The following TAFA5 variants were observed in gnomAD, a reference collection of about 807,000 sequenced individuals.
TAFA5 encodes the protein TAFA chemokine like family member 5.
In TAFA5, 6 loss-of-function variants were observed where a neutral mutation model predicts 15.3. The observed-to-expected ratio is 0.39, with a 90% CI of 0.21 to 0.77. The LOEUF (loss-of-function observed/expected upper bound fraction) is 0.77, where lower values mean the gene tolerates loss of function less well. Ranked by LOEUF, TAFA5 falls within the 30% of genes least tolerant of loss-of-function variation. The probability of loss-of-function intolerance (pLI) is 0.41; values close to 1 mark genes in which losing one functional copy is unlikely to be tolerated. For missense variants in TAFA5, 161 were observed against 193.1 expected, an observed-to-expected ratio of 0.83 and a Z score of 0.98; for synonymous variants, 103 against 80.7, an observed-to-expected ratio of 1.28 and a Z score of -1.48.
At chr22:48,685,826 A>G (rs900253608) in intron 2 of TAFA5, among the ~76,000 whole-genome samples, 1 of 152,134 alleles carries the variant, frequency 6.6e-6, no homozygotes, top group African/African-American at 2.4e-5. Context: ...GGCTGCATCC[A>G]TCACCACTGG....
Position 48,580,742 on chromosome 22 carries a change from C to G in TAFA5, c.113-65855C>G, listed in dbSNP as rs539881752. The stretch of plus-strand genomic sequence containing the variant: ...CTGTGCCTGCACCCCTGCACCCAGT[C>G]TTGGCATGGGGCTGCCCCGGCCGCC... On this transcript the variant is annotated intron_variant, in intron 1 of 3. Transcript: ENST00000402357. Among the ~76,000 whole-genome samples, 5 of 152,326 alleles carry G rather than the reference C, an allele frequency of 3.3e-5. No individual in the cohort carries two copies. In the East Asian group the frequency reaches 9.6e-4, roughly 29 times the overall value.
intron 1 of TAFA5, among the ~76,000 whole-genome samples, chr22:48,513,791 C>T (rs1485230976): frequency 6.6e-6 from 1 of 152,204 alleles, no homozygotes; most frequent in African/African-American, 2.4e-5. Context: ...CAGAGACCAC[C>T]TCATCTGTCT....
At chr22:48,491,276 G>A (rs1055807482) in intron 1 of TAFA5, among the ~76,000 whole-genome samples, 4 of 152,134 alleles carry the variant, frequency 2.6e-5, no homozygotes, top group Non-Finnish European at 4.4e-5. Context: ...AGATCCCCAA[G>A]CAAGGCTTCC....
At chr22:48,739,546 A>G (rs540250137) in intron 3 of TAFA5, among the ~76,000 whole-genome samples, 13 of 152,162 alleles carry the variant, frequency 8.5e-5, no homozygotes, top group Non-Finnish European at 1.8e-4. Flanking sequence ...GGACACCTGC[A>G]TGCAGGTGCT....
intron 1 of TAFA5, among the ~76,000 whole-genome samples, chr22:48,525,727 C>A (rs1243086391): frequency 6.6e-6 from 1 of 152,226 alleles, no homozygotes; most frequent in African/African-American, 2.4e-5. Context: ...CCTAAAGAAG[C>A]CCTGCCTACC....
chr22:48,642,537 G>A (rs570305675), intron 1 of TAFA5, among the ~76,000 whole-genome samples: 1 of 152,280 alleles, frequency 6.6e-6, no homozygotes, highest in South Asian at 2.1e-4. Flanking sequence ...CTCGGAGCCG[G>A]ACCACTGAGG....
intron 1 of TAFA5, among the ~76,000 whole-genome samples, chr22:48,502,943 A>AT (rs1920961404): frequency 6.6e-6 from 1 of 152,190 alleles, no homozygotes; most frequent in African/African-American, 2.4e-5. Flanking sequence ...CCAACGGGTC[A>AT]TATAGGACTC....
rs75349048 is a variant in TAFA5, at chr22:48,612,107, G to A, written c.113-34490G>A. 4.8e-3 allele frequency among the ~76,000 whole-genome samples: 737 copies of A among 152,318 alleles called. 5 individuals carry two copies. Among genetic ancestry groups the A allele is most frequent in the African/African-American group, 0.017 (718 of 41,556 alleles). On this transcript the variant is annotated intron_variant, in intron 1 of 3. Transcript: ENST00000402357. The stretch of plus-strand genomic sequence containing the variant: ...GCCTGTGGTCAGGGCCAGAATTCCA[G>A]GGTGCGTCTATGCAGGTGCAGGAGC...
chr22:48,660,266 G>A (rs1927390198), intron 2 of TAFA5, among the ~76,000 whole-genome samples: 1 of 152,224 alleles, frequency 6.6e-6, no homozygotes, highest in Non-Finnish European at 1.5e-5. Flanking sequence ...GTTGGATGGG[G>A]CCTGGACTCT....
chr22:48,691,064 AG>A (rs1460281296), intron 2 of TAFA5, among the ~76,000 whole-genome samples: 1 of 152,218 alleles, frequency 6.6e-6, no homozygotes, highest in East Asian at 1.9e-4. Context: ...GCCGTAAAGC[AG>A]GAAGCACGAA....
chr22:48,527,505 G>A (rs986678244), intron 1 of TAFA5, among the ~76,000 whole-genome samples: 3 of 152,228 alleles, frequency 2.0e-5, no homozygotes, highest in Admixed American at 6.5e-5. Context: ...GCTACTCCCC[G>A]TGCACGGCCT....
At chr22:48,547,967 G>A (rs1379978881) in intron 1 of TAFA5, among the ~76,000 whole-genome samples, 1 of 152,228 alleles carries the variant, frequency 6.6e-6, no homozygotes, top group Non-Finnish European at 1.5e-5. Context: ...CTCGAGCCCT[G>A]GCCCTGTCCT....
At chr22:48,562,499 A>G (rs1294557875) in intron 1 of TAFA5, among the ~76,000 whole-genome samples, 4 of 151,792 alleles carry the variant, frequency 2.6e-5, no homozygotes, top group African/African-American at 9.7e-5. Context: ...AGTAGTGTGG[A>G]CCTTACAAGG....
intron 2 of TAFA5, among the ~76,000 whole-genome samples, chr22:48,697,664 G>C (rs951370283): frequency 1.3e-5 from 2 of 151,328 alleles, no homozygotes; most frequent in African/African-American, 4.9e-5. Flanking sequence ...AATGGTGATA[G>C]TGCTAATGGT....
chr22:48,713,584 G>C (rs557045260), intron 3 of TAFA5, among the ~76,000 whole-genome samples: 1 of 152,224 alleles, frequency 6.6e-6, no homozygotes, highest in Non-Finnish European at 1.5e-5. Flanking sequence ...AAGCCCCTCT[G>C]GGAAAGGTTC....
At chr22:48,679,036 TGG>T (rs1928079805) in intron 2 of TAFA5, among the ~76,000 whole-genome samples, 1 of 37,984 alleles carries the variant, frequency 2.6e-5, no homozygotes, top group Admixed American at 4.3e-4. Flanking sequence ...ATCCCTCTCC[TGG>T]CTCCCCAGCT....
chr22:48,517,271 G>A (rs1388551351), intron 1 of TAFA5, among the ~76,000 whole-genome samples: 2 of 152,156 alleles, frequency 1.3e-5, no homozygotes, highest in Non-Finnish European at 2.9e-5. Flanking sequence ...GGCCCAGCTG[G>A]CACAGACTCC....
At chr22:48,569,149 G>A (rs545782006) in intron 1 of TAFA5, among the ~76,000 whole-genome samples, 76 of 152,300 alleles carry the variant, frequency 5.0e-4, no homozygotes, top group African/African-American at 1.7e-3. Context: ...GTGGGATGGG[G>A]ACAGCTGCCT....
chr22:48,691,476 G>A (rs751809308), intron 2 of TAFA5, among the ~76,000 whole-genome samples: 13 of 152,240 alleles, frequency 8.5e-5, no homozygotes, highest in Non-Finnish European at 1.8e-4. Flanking sequence ...CACCAGGACC[G>A]CAGGTGAGGA....
Sources: gnomAD v4.1 joint callset for allele counts (sites outside exome capture counted in the v4.1 genomes callset) on GRCh38, gnomAD v4.1.1 for gene constraint, MANE v1.5 for transcripts, NCBI Gene and HGNC (gene_info 2026-07-23, HGNC 2026-07-21) for gene names.